MIA2: variants seen among roughly 807,000 people sequenced by gnomAD.
MIA2 encodes melanoma inhibitory activity protein 2.
MIA2 carries 127 observed loss-of-function variants against 167.8 expected under a neutral mutation model. The ratio of observed to expected loss-of-function variants is 0.76; its 90% CI spans 0.66 to 0.88. MIA2 has a LOEUF of 0.88. MIA2 is among the 40% of genes least tolerant of loss of function. The pLI, the probability that MIA2 is intolerant of heterozygous loss-of-function variation, is 0.00. For missense variants in MIA2, 1,690 were observed against 1,624.7 expected, an observed-to-expected ratio of 1.04 and a Z score of -0.69; for synonymous variants, 552 against 541.9, an observed-to-expected ratio of 1.02 and a Z score of -0.26.
chr14:39,364,703 G>A (rs573148676), intron 23 of MIA2, among the ~76,000 whole-genome samples: 1 of 146,234 alleles, frequency 6.8e-6, no homozygotes, highest in Non-Finnish European at 1.5e-5. Flanking sequence ...AGTATTCTTG[G>A]CTGATAGTTT....
At chr14:39,361,761 G>T (rs1344960528) in intron 23 of MIA2, among the ~76,000 whole-genome samples, 1 of 152,064 alleles carries the variant, frequency 6.6e-6, no homozygotes, top group Non-Finnish European at 1.5e-5. Context: ...TATTTGATAG[G>T]AGTCATAAAA....
chr14:39,322,577 G>A (rs2066667687), intron 24 of MIA2, among the ~76,000 whole-genome samples: 1 of 147,894 alleles, frequency 6.8e-6, no homozygotes, highest in Non-Finnish European at 1.5e-5. Context: ...GGGAAACCAA[G>A]CCACAATTGT....
intron 19 of MIA2, among the ~76,000 whole-genome samples, chr14:39,314,411 C>T (rs1317188169): frequency 6.7e-6 from 1 of 150,068 alleles, no homozygotes; most frequent in Non-Finnish European, 1.5e-5. Context: ...TGACCAACAT[C>T]TGAATAAATC....
chr14:39,267,641 C>A, intron 6 of MIA2: 1 of 1,181,034 alleles, frequency 8.5e-7, no homozygotes, highest in South Asian at 1.4e-5. Flanking sequence ...CGAAGCCAGT[C>A]CTCGTCTGCT....
At chr14:39,324,817 G>A (rs188942465) in intron 24 of MIA2, among the ~76,000 whole-genome samples, 5 of 152,212 alleles carry the variant, frequency 3.3e-5, no homozygotes, top group African/African-American at 1.2e-4. Context: ...ATGTTGGCCA[G>A]GCTGGTTTCG....
In MIA2 at chr14:39,234,247, GCTT is replaced by G. The variant is rs1566577762; in HGVS notation, c.115+24_115+26del. ...ATGTGAAGGTAAGTTTGCTTCCCCC[GCTT>G]CTTCTCCTCCTAAATTGAGGCTCTG... On this transcript the variant is annotated intron_variant, in intron 1 of 28. Transcript: ENST00000640607. 1.0e-5 allele frequency: 15 copies of G among 1,498,454 alleles called. No homozygotes were observed. Among genetic ancestry groups the G allele is most frequent in the Non-Finnish European group, 1.4e-5 (15 of 1,083,548 alleles). The allele number at this position is 1,498,454 out of a possible 1,614,324, so 92.8% of individuals were successfully genotyped here. A position where few individuals can be genotyped will look rare whatever the true frequency, so the allele number is the denominator to read the frequency against.
At position 39,326,890 on chromosome 14, in the gene MIA2, G is replaced by A; in HGVS notation, c.3523G>A (p.Asp1175Asn). 1 of 1,592,916 alleles carries A rather than the reference G, an allele frequency of 6.3e-7. No homozygotes were observed. The highest frequency in any genetic ancestry group is 8.5e-7 in the Non-Finnish European group (1 of 1,171,340). Reference sequence around the variant, plus strand: ...CTCACGAGGCCCAGGGAATCCTCTGGACCATCAGATTACCAATGAAAGAGG... The same window carrying A: ...CTCACGAGGCCCAGGGAATCCTCTGAACCATCAGATTACCAATGAAAGAGG... ...RGSRGPGNPLDHQITNERGES... is the reference protein window; with the variant it reads ...RGSRGPGNPLNHQITNERGES... The change falls in exon 25 of 29, where the codon GAC becomes AAC. Residue 1175 changes from aspartate (D) to asparagine (N), a missense_variant. Coordinates refer to ENST00000640607, the MANE Select transcript of MIA2 (RefSeq NM_001329214.4).
intron 25 of MIA2, among the ~76,000 whole-genome samples, chr14:39,329,191 A>G (rs2096343514): frequency 1.3e-5 from 2 of 152,066 alleles, no homozygotes; most frequent in South Asian, 4.1e-4. Flanking sequence ...CATCCCTTGT[A>G]AGTTGTATTC....
At chr14:39,314,142 T>G (rs765244372) in intron 19 of MIA2, among the ~76,000 whole-genome samples, 1 of 152,178 alleles carries the variant, frequency 6.6e-6, no homozygotes, top group Non-Finnish European at 1.5e-5. Flanking sequence ...TCCCTGTACT[T>G]TGGGAGGCCA....
intron 9 of MIA2, among the ~76,000 whole-genome samples, chr14:39,288,446 TATATATATATATATATATA>T (rs2060131303): frequency 0.011 from 297 of 28,094 alleles, 30 homozygotes; most frequent in South Asian, 0.029. Flanking sequence ...TATATATATA[TATATATATATATATATATA>T]TATATATATA....
At chr14:39,355,893 G>A (rs2074510249), downstream of MIA2, among the ~76,000 whole-genome samples, 1 of 152,168 alleles carries the variant, frequency 6.6e-6, no homozygotes, top group Non-Finnish European at 1.5e-5. Context: ...TGCATCCCAG[G>A]GATGAAGCCT....
At chr14:39,348,115 G>C (rs1467036568) in intron 27 of MIA2, among the ~76,000 whole-genome samples, 1 of 152,170 alleles carries the variant, frequency 6.6e-6, no homozygotes, top group Non-Finnish European at 1.5e-5. Flanking sequence ...GCCTGGCCCT[G>C]AGCCACTGTG....
chr14:39,346,905 C>T (rs2073392673), intron 26 of MIA2: 1 of 328,020 alleles, frequency 3.0e-6, no homozygotes, highest in South Asian at 2.5e-5. Context: ...CTTGCTCAGC[C>T]TGGAAAGTCA....
chr14:39,252,725 C>T (rs2054636268), intron 4 of MIA2, 23 bp from the exon 5 acceptor site: 4 of 1,562,178 alleles, frequency 2.6e-6, no homozygotes, highest in Admixed American at 1.8e-5. Flanking sequence ...TGGAAAAACA[C>T]ATTTCTTTTT....
rs538500709 is a variant in MIA2 at position 39,247,655 on chromosome 14, GA to G, written c.1089del (p.Asp364ThrfsTer8). 2.5e-6 allele frequency: 4 copies of G among 1,603,868 alleles called. No homozygotes were observed. The highest frequency in any genetic ancestry group is 3.4e-6 in the Non-Finnish European group (4 of 1,177,514). Reference protein sequence around the residue: ...ATVPCTEILTEKKDTITNDSL... With the variant: ...ATVPCTEILTXKKDTITNDSL... ...AGTTCCATGTACAGAAATATTAACAGAAAAAAAAGACACAATCACTAATGAT... is the reference window on the plus strand; with the variant it reads ...AGTTCCATGTACAGAAATATTAACAGAAAAAAAGACACAATCACTAATGAT... On this transcript the variant is annotated frameshift_variant, in exon 4 of 29. Coordinates refer to ENST00000640607, the MANE Select transcript of MIA2 (RefSeq NM_001329214.4). LOFTEE classifies it high-confidence loss of function.
At chr14:39,364,360 C>T (rs2074768849) in intron 23 of MIA2, among the ~76,000 whole-genome samples, 1 of 149,022 alleles carries the variant, frequency 6.7e-6, no homozygotes, top group Admixed American at 6.6e-5. Flanking sequence ...CAGAGCAAGA[C>T]TCTCAAAAAA....
intron 6 of MIA2, among the ~76,000 whole-genome samples, chr14:39,261,343 T>C (rs1474035434): frequency 6.6e-6 from 1 of 152,236 alleles, no homozygotes; most frequent in Non-Finnish European, 1.5e-5. Context: ...GGCTGCATAG[T>C]ATTCCATGGT....
chr14:39,358,373 G>T (rs530143427), intron 23 of MIA2, among the ~76,000 whole-genome samples: 33 of 152,248 alleles, frequency 2.2e-4, no homozygotes, highest in Non-Finnish European at 4.4e-4. Context: ...CATTCGTCAC[G>T]TAGTTCTTGT....
At position 39,253,132 on chromosome 14, in the gene MIA2, G is replaced by C. The variant is rs771919769; in HGVS notation, c.1848G>C (p.Met616Ile). ...TCCAAATTGATGTTTATGATTTCATGAATTCTGCATTTTCACCAATTGTAA... is the reference window on the plus strand; with the variant it reads ...TCCAAATTGATGTTTATGATTTCATCAATTCTGCATTTTCACCAATTGTAA... ...YLFQIDVYDF[M>I]NSAFSPIVIL... Residue 616 changes from methionine (M) to isoleucine (I), a missense_variant, in exon 6 of 29, where the codon ATG becomes ATC. Met to Ile is a conservative substitution (Grantham distance 10, BLOSUM62 1). Coordinates refer to ENST00000640607, the MANE Select transcript of MIA2 (RefSeq NM_001329214.4). The C allele has an allele frequency of 6.2e-7, 1 of 1,608,378 alleles. No homozygotes were observed.
Sources: allele counts gnomAD v4.1 joint callset (sites outside exome capture counted in the v4.1 genomes callset), GRCh38; gene constraint gnomAD v4.1.1; transcripts MANE v1.5; gene names NCBI Gene and HGNC (gene_info 2026-07-23, HGNC 2026-07-21).